Variants in ATRNL1 observed in about 807,000 individuals in gnomAD.
The protein encoded by ATRNL1 is attractin like 1.
In ATRNL1, 95 loss-of-function variants were observed where a neutral mutation model predicts 182.7. That is an observed-to-expected ratio of 0.52 (90% CI 0.44 to 0.62). The LOEUF is 0.62. ATRNL1 is among the 20% of genes least tolerant of loss of function. ATRNL1 has a pLI of 0.00. For synonymous variants in ATRNL1, 576 were observed against 568.3 expected, an observed-to-expected ratio of 1.01 and a Z score of -0.19; for missense variants, 1,471 against 1,679.5, an observed-to-expected ratio of 0.88 and a Z score of 2.17.
At chr10:115,775,959 C>CAAA (rs398014865) in intron 27 of ATRNL1, among the ~76,000 whole-genome samples, 9 of 113,156 alleles carry the variant, frequency 8.0e-5, no homozygotes, top group East Asian at 7.0e-4. Flanking sequence ...ACTCCATTCT[C>CAAA]AAAAAAAAAA....
chr10:115,137,677 C>T (rs1554877045), intron 5 of ATRNL1, among the ~76,000 whole-genome samples: 3 of 152,216 alleles, frequency 2.0e-5, no homozygotes, highest in African/African-American at 7.2e-5. Flanking sequence ...AAGACCTGCC[C>T]CCATGATTCA....
chr10:115,848,283 C>G (rs1950976382), intron 28 of ATRNL1, among the ~76,000 whole-genome samples: 1 of 152,162 alleles, frequency 6.6e-6, no homozygotes, highest in Non-Finnish European at 1.5e-5. Flanking sequence ...AATGAGAAAT[C>G]TCATTAGAAG....
At chr10:115,328,559 C>A (rs1487254263) in intron 18 of ATRNL1, among the ~76,000 whole-genome samples, 1 of 152,052 alleles carries the variant, frequency 6.6e-6, no homozygotes, top group Non-Finnish European at 1.5e-5. Flanking sequence ...TATGCATTAA[C>A]CAACATGTCC....
chr10:115,127,742 C>T lies in ATRNL1; in HGVS notation c.620+21C>T, dbSNP rs782086664. 21 of 1,357,148 alleles carry T rather than the reference C, an allele frequency of 1.5e-5. No homozygotes were observed. In the East Asian group the frequency reaches 2.5e-4, roughly 16 times the overall value. 84.1% of individuals were successfully genotyped at this position (1,357,148 alleles called of 1,614,324 possible). On this transcript the variant is annotated intron_variant, in intron 4 of 28. Coordinates refer to ENST00000355044, the MANE Select transcript of ATRNL1 (RefSeq NM_207303.4). ...TATTCGTAAGTATTTTTTAAAAATT[C>T]CTTCTTTTAATGATTCTTGTAATTT...
intron 10 of ATRNL1, among the ~76,000 whole-genome samples, chr10:115,253,639 C>T (rs782430761): frequency 4.5e-4 from 68 of 151,854 alleles, no homozygotes; most frequent in African/African-American, 1.5e-3. Flanking sequence ...AGGGTACATG[C>T]GCATAATGTG....
chr10:115,928,533 T>G (rs1555120836), intron 28 of ATRNL1, among the ~76,000 whole-genome samples: 1 of 152,008 alleles, frequency 6.6e-6, no homozygotes, highest in African/African-American at 2.4e-5. Context: ...TATGAAAATC[T>G]GAAAAGTTCC....
intron 27 of ATRNL1, among the ~76,000 whole-genome samples, chr10:115,792,856 A>G (rs547510466): frequency 1.5e-4 from 23 of 152,144 alleles, no homozygotes; most frequent in African/African-American, 5.5e-4. Flanking sequence ...CTACTTCTAA[A>G]AATATAACTG....
chr10:115,312,486 A>G (rs1282575233), intron 17 of ATRNL1, among the ~76,000 whole-genome samples: 3 of 151,944 alleles, frequency 2.0e-5, no homozygotes, highest in African/African-American at 7.2e-5. Flanking sequence ...TATTAGTCTG[A>G]TAAGTTTTTC....
chr10:115,430,544 C>G (rs1846109391), intron 21 of ATRNL1, among the ~76,000 whole-genome samples: 1 of 151,990 alleles, frequency 6.6e-6, no homozygotes, highest in African/African-American at 2.4e-5. Context: ...GCATGTGCTG[C>G]CTGTTATATA....
chr10:115,668,831 ATGAGCT>A (rs1185251468), intron 26 of ATRNL1, among the ~76,000 whole-genome samples: 1 of 152,134 alleles, frequency 6.6e-6, no homozygotes, highest in Non-Finnish European at 1.5e-5. Context: ...TAATAAATTA[ATGAGCT>A]TGTTTTAACA....
intron 26 of ATRNL1, among the ~76,000 whole-genome samples, chr10:115,567,178 A>T (rs1317746306): frequency 6.6e-6 from 1 of 152,042 alleles, no homozygotes; most frequent in East Asian, 1.9e-4. Flanking sequence ...GTAGAATCTT[A>T]TGGTAGCTGT....
At chr10:115,802,021 A>AACACACACACACAC (rs60513803) in intron 27 of ATRNL1, among the ~76,000 whole-genome samples, 8,134 of 125,880 alleles carry the variant, frequency 0.065, 338 homozygotes, top group Non-Finnish European at 0.079. Context: ...AAAAAAAAGA[A>AACACACACACACAC]ACACACACAC....
intron 27 of ATRNL1, among the ~76,000 whole-genome samples, chr10:115,794,474 C>A (rs1263143421): frequency 6.6e-6 from 1 of 152,186 alleles, no homozygotes; most frequent in Non-Finnish European, 1.5e-5. Flanking sequence ...AGTTTAGAAT[C>A]ATGCGTTGCA....
intron 9 of ATRNL1, among the ~76,000 whole-genome samples, chr10:115,220,768 A>G (rs961862374): frequency 6.6e-6 from 1 of 151,258 alleles, no homozygotes; most frequent in Non-Finnish European, 1.5e-5. Context: ...ATGGACTAAA[A>G]TAAGTATTAG....
At chr10:115,427,276 A>C (rs1554963119) in intron 21 of ATRNL1, among the ~76,000 whole-genome samples, 2 of 152,104 alleles carry the variant, frequency 1.3e-5, no homozygotes, top group African/African-American at 4.8e-5. Flanking sequence ...ATTTTATTCG[A>C]TGAAGGGTCT....
chr10:115,319,821 CTGAT>C (rs1854494762), intron 18 of ATRNL1, among the ~76,000 whole-genome samples: 1 of 151,888 alleles, frequency 6.6e-6, no homozygotes, highest in Non-Finnish European at 1.5e-5. Context: ...ATACAGCACA[CTGAT>C]TGGTCTTGAC....
At chr10:115,208,629 A>G (rs569942835) in intron 8 of ATRNL1, among the ~76,000 whole-genome samples, 10 of 152,084 alleles carry the variant, frequency 6.6e-5, no homozygotes, top group African/African-American at 2.2e-4. Context: ...GTACGAGGCC[A>G]TTTTTCTATT....
intron 5 of ATRNL1, among the ~76,000 whole-genome samples, chr10:115,143,979 G>C (rs200964886): frequency 0.012 from 1,737 of 147,400 alleles, 31 homozygotes; most frequent in African/African-American, 0.041. Flanking sequence ...AATTTTTTTT[G>C]TTTCTTTTTT....
At chr10:115,098,580 G>C (rs1485826878) in intron 1 of ATRNL1, among the ~76,000 whole-genome samples, 2 of 144,554 alleles carry the variant, frequency 1.4e-5, no homozygotes, top group Non-Finnish European at 3.0e-5. Flanking sequence ...TCCTGCTTCA[G>C]CCTCCCGAGT....
Sources: allele counts gnomAD v4.1 joint callset (sites outside exome capture counted in the v4.1 genomes callset), GRCh38; gene constraint gnomAD v4.1.1; transcripts MANE v1.5; gene names NCBI Gene and HGNC (gene_info 2026-07-23, HGNC 2026-07-21).